CA10: variants seen among roughly 807,000 people sequenced by gnomAD.
CA10 encodes the protein carbonic anhydrase 10 (inactive), also known as carbonic anhydrase-related protein 10.
CA10 carries 14 observed loss-of-function variants against 44.2 expected under a neutral mutation model. The observed-to-expected ratio is 0.32, with a 90% CI of 0.21 to 0.50. CA10 has a LOEUF of 0.50. Ranked by LOEUF, CA10 falls within the 20% of genes least tolerant of loss-of-function variation. The probability of loss-of-function intolerance (pLI) is 0.99; values close to 1 mark genes in which losing one functional copy is unlikely to be tolerated. For synonymous variants in CA10, 159 were observed against 141.6 expected, an observed-to-expected ratio of 1.12 and a Z score of -0.87; for missense variants, 350 against 409.7, an observed-to-expected ratio of 0.85 and a Z score of 1.26.
chr17:51,749,070 G>A (rs1904804341), intron 3 of CA10, among the ~76,000 whole-genome samples: 1 of 152,174 alleles, frequency 6.6e-6, no homozygotes, highest in Non-Finnish European at 1.5e-5. Context: ...ACCTTTCCCT[G>A]GTACATCGAC....
intron 3 of CA10, among the ~76,000 whole-genome samples, chr17:51,911,335 C>A (rs1467866891): frequency 1.3e-5 from 2 of 152,144 alleles, no homozygotes; most frequent in Non-Finnish European, 2.9e-5. Flanking sequence ...CTTACTAACA[C>A]CCTGCCTTGA....
At chr17:52,003,287 A>G (rs959338285) in intron 2 of CA10, among the ~76,000 whole-genome samples, 4 of 151,842 alleles carry the variant, frequency 2.6e-5, no homozygotes, top group Admixed American at 6.6e-5. Context: ...CACTGTGACA[A>G]CCATCATGGC....
At chr17:51,733,404 A>G (rs1316563576) in intron 4 of CA10, among the ~76,000 whole-genome samples, 3 of 152,196 alleles carry the variant, frequency 2.0e-5, no homozygotes, top group Non-Finnish European at 4.4e-5. Context: ...AAAAGCACTC[A>G]GAAGACAGGG....
intron 6 of CA10, among the ~76,000 whole-genome samples, chr17:51,646,726 C>T (rs1027707481): frequency 5.9e-5 from 9 of 152,278 alleles, no homozygotes; most frequent in African/African-American, 1.9e-4. Flanking sequence ...ACTGGGCTAA[C>T]CTTCTGGCTG....
chr17:51,635,196 A>G (rs1912771209), intron 7 of CA10, among the ~76,000 whole-genome samples: 1 of 152,212 alleles, frequency 6.6e-6, no homozygotes, highest in Non-Finnish European at 1.5e-5. Context: ...AGAGCCTCAG[A>G]CACAGGGAGA....
At chr17:52,024,548 A>C (rs1986241882) in intron 2 of CA10, among the ~76,000 whole-genome samples, 1 of 151,960 alleles carries the variant, frequency 6.6e-6, no homozygotes, top group South Asian at 2.1e-4. Flanking sequence ...ATCCCAAGCC[A>C]AAGGGAAGCA....
chr17:51,655,182 A>G (rs1264335073), intron 4 of CA10, among the ~76,000 whole-genome samples: 3 of 152,216 alleles, frequency 2.0e-5, no homozygotes, highest in Non-Finnish European at 4.4e-5. Context: ...AGTCTTCCAA[A>G]TAACTATAGA....
chr17:51,902,058 T>C (rs1981340275), intron 3 of CA10, among the ~76,000 whole-genome samples: 1 of 152,150 alleles, frequency 6.6e-6, no homozygotes, highest in Non-Finnish European at 1.5e-5. Context: ...TCCTTTCATC[T>C]TTTCTGTCTT....
chr17:52,037,570 C>A (rs954153007), intron 2 of CA10, among the ~76,000 whole-genome samples: 2 of 151,984 alleles, frequency 1.3e-5, no homozygotes, highest in African/African-American at 2.4e-5. Context: ...ATTTTTCTCC[C>A]CATAATGAAC....
intron 1 of CA10, among the ~76,000 whole-genome samples, chr17:52,139,917 G>A (rs1989440720): frequency 6.6e-6 from 1 of 152,178 alleles, no homozygotes; most frequent in South Asian, 2.1e-4. Flanking sequence ...TGTTTGGAGT[G>A]AATTAAGGAA....
At chr17:51,847,962 C>A (rs777699867) in intron 3 of CA10, among the ~76,000 whole-genome samples, 36 of 152,222 alleles carry the variant, frequency 2.4e-4, no homozygotes, top group Non-Finnish European at 2.9e-4. Context: ...GCACAAAGTA[C>A]CTTTCATATA....
intron 3 of CA10, among the ~76,000 whole-genome samples, chr17:51,774,900 G>C (rs1471129130): frequency 2.4e-4 from 37 of 152,122 alleles, no homozygotes; most frequent in Admixed American, 2.0e-3. Context: ...ACATCCTATA[G>C]TTACGCACCA....
intron 2 of CA10, among the ~76,000 whole-genome samples, chr17:51,942,545 TATA>T (rs1983122938): frequency 6.7e-6 from 1 of 150,060 alleles, no homozygotes; most frequent in Non-Finnish European, 1.5e-5. Context: ...GCATTATATA[TATA>T]TATATATCTG....
chr17:52,113,008 C>T (rs530554792), intron 1 of CA10, among the ~76,000 whole-genome samples: 1 of 152,174 alleles, frequency 6.6e-6, no homozygotes, highest in African/African-American at 2.4e-5. Flanking sequence ...TTTCAAACCT[C>T]CTTCTTCTGT....
chr17:51,897,723 G>A (rs1475489190), intron 3 of CA10, among the ~76,000 whole-genome samples: 1 of 151,980 alleles, frequency 6.6e-6, no homozygotes, highest in Admixed American at 6.6e-5. Flanking sequence ...ATTTGTTTTT[G>A]TCATCTCTGA....
intron 4 of CA10, among the ~76,000 whole-genome samples, chr17:51,734,870 A>G (rs1916846307): frequency 2.0e-5 from 3 of 152,258 alleles, no homozygotes; most frequent in South Asian, 4.1e-4. Context: ...GGAGTCCAAG[A>G]TCAACACACC....
At chr17:51,990,216 T>C (rs1984991497) in intron 2 of CA10, among the ~76,000 whole-genome samples, 2 of 152,136 alleles carry the variant, frequency 1.3e-5, no homozygotes, top group Non-Finnish European at 2.9e-5. Context: ...GTTTTCCTGC[T>C]AGGACTGCCC....
At chr17:51,793,471 C>A (rs1226620578) in intron 3 of CA10, among the ~76,000 whole-genome samples, 1 of 152,186 alleles carries the variant, frequency 6.6e-6, no homozygotes, top group Admixed American at 6.5e-5. Context: ...CCCTGACAAT[C>A]TTTAATTTGC....
Position 51,931,077 on chromosome 17 carries a change from T to C in CA10, c.192A>G (p.Lys64=). 1 of 1,613,580 alleles carries C rather than the reference T, an allele frequency of 6.2e-7. No homozygotes were observed. Among genetic ancestry groups the C allele is most frequent in the South Asian group, 1.1e-5 (1 of 91,050 alleles). Residue 64 remains lysine, a synonymous_variant, in exon 3 of 9, where the codon AAA becomes AAG. Transcript: ENST00000451037. ...NSAWNLCSVG[K]RQSPVNIETS... ...TCTCTATGTTGACTGGCGACTGCCGTTTCCCCACAGAGCAAAGATTCCAAG... is the reference window on the plus strand; with the variant it reads ...TCTCTATGTTGACTGGCGACTGCCGCTTCCCCACAGAGCAAAGATTCCAAG...
Sources: allele counts gnomAD v4.1 joint callset (sites outside exome capture counted in the v4.1 genomes callset), GRCh38; gene constraint gnomAD v4.1.1; transcripts MANE v1.5; gene names NCBI Gene and HGNC (gene_info 2026-07-23, HGNC 2026-07-21).